Variants in RBM20 observed in about 807,000 individuals in gnomAD.
The protein encoded by RBM20 is RNA-binding protein 20.
A neutral mutation model predicts 110.1 loss-of-function variants in RBM20; 51 were observed. The ratio of observed to expected loss-of-function variants is 0.46; its 90% CI spans 0.37 to 0.59. The LOEUF (loss-of-function observed/expected upper bound fraction) is 0.59, where lower values mean the gene tolerates loss of function less well. Ranked by LOEUF, RBM20 falls within the 20% of genes least tolerant of loss-of-function variation. The pLI, the probability that RBM20 is intolerant of heterozygous loss-of-function variation, is 0.00. For missense variants in RBM20, 1,512 were observed against 1,574.9 expected (o/e 0.96, Z 0.68); for synonymous variants, 589 against 618.2 (o/e 0.95, Z 0.70).
At chr10:110,710,872 G>A (rs550359980) in intron 1 of RBM20, among the ~76,000 whole-genome samples, 35 of 152,172 alleles carry the variant, frequency 2.3e-4, no homozygotes, top group Non-Finnish European at 4.4e-4. Context: ...GGCAGGTGAC[G>A]TGAAGGCCAC....
Position 110,666,018 on chromosome 10 carries a change from G to GAGAGA in RBM20, c.191+21373_191+21374insAGAGA, listed in dbSNP as rs1195192167. Among the ~76,000 whole-genome samples, 11 of 95,732 alleles carry GAGAGA rather than the reference G, an allele frequency of 1.1e-4. No individual in the cohort carries two copies. The East Asian group carries it at 3.7e-3, about 32-fold the overall frequency. The allele number at this position is 95,732 out of a possible 152,430, so 62.8% of individuals were successfully genotyped here. On this transcript the variant is annotated intron_variant, in intron 1 of 13. Transcript: ENST00000369519. ...GAAAGAGAGAGAGAGAGAGAGAGAG[G>GAGAGA]GGAAGGAAGGAAGGAAGGAAAGAAA...
At chr10:110,678,269 C>CA (rs536998688) in intron 1 of RBM20, among the ~76,000 whole-genome samples, 90 of 152,102 alleles carry the variant, frequency 5.9e-4, no homozygotes, top group African/African-American at 2.0e-3. Flanking sequence ...TGTAATTATG[C>CA]AAAAAAATGT....
Position 110,836,237 on chromosome 10 carries a change from A to C in RBM20, c.*259A>C. On this transcript the variant is annotated 3_prime_UTR_variant, in exon 14 of 14. Coordinates refer to ENST00000369519, the MANE Select transcript of RBM20 (RefSeq NM_001134363.3). ...TGACTCTTGTTTCTCTCAATCTTTC[A>C]ATTCGTTTTTCTCTCTTTTCCTCTT... is the stretch of plus-strand genomic sequence containing the variant. 1 of 296,570 alleles carries C rather than the reference A, an allele frequency of 3.4e-6. No homozygotes were observed. The highest frequency in any genetic ancestry group is 6.2e-6 in the Non-Finnish European group (1 of 161,326). 18.4% of individuals were successfully genotyped at this position (296,570 alleles called of 1,614,324 possible).
At chr10:110,727,062 G>A (rs963626887) in intron 1 of RBM20, among the ~76,000 whole-genome samples, 1 of 150,808 alleles carries the variant, frequency 6.6e-6, no homozygotes, top group South Asian at 2.1e-4. Flanking sequence ...TGGCCAGGCT[G>A]GTCTCAAACT....
chr10:110,675,686 C>G (rs1393818888), intron 1 of RBM20, among the ~76,000 whole-genome samples: 1 of 152,144 alleles, frequency 6.6e-6, no homozygotes, highest in East Asian at 1.9e-4. Context: ...CATAGTCCCC[C>G]TCAAGTTCTA....
At chr10:110,732,707 G>C (rs1564828727) in intron 1 of RBM20, among the ~76,000 whole-genome samples, 1 of 152,034 alleles carries the variant, frequency 6.6e-6, no homozygotes, top group African/African-American at 2.4e-5. Flanking sequence ...AACTCTTCAG[G>C]GAGCCTGGCT....
chr10:110,774,856 C>T (rs1002292262), intron 1 of RBM20, among the ~76,000 whole-genome samples: 2 of 151,924 alleles, frequency 1.3e-5, no homozygotes, highest in African/African-American at 4.8e-5. Context: ...CAGGAATGTC[C>T]CTCTCTAGTT....
intron 7 of RBM20, among the ~76,000 whole-genome samples, chr10:110,800,327 A>G (rs1844606057): frequency 6.6e-6 from 1 of 152,080 alleles, no homozygotes; most frequent in Non-Finnish European, 1.5e-5. Flanking sequence ...TCTCTCCTTC[A>G]TATTTACGTC....
chr10:110,795,619 CG>C (rs1218197930), intron 5 of RBM20, among the ~76,000 whole-genome samples: 1 of 152,198 alleles, frequency 6.6e-6, no homozygotes, highest in Non-Finnish European at 1.5e-5. Context: ...TTAGCAGAGT[CG>C]GCCCCACATC....
intron 11 of RBM20, chr10:110,822,526 A>G: frequency 2.2e-6 from 1 of 455,872 alleles, no homozygotes. Context: ...CATGAAAGAG[A>G]GAGTTTAAAA....
intron 1 of RBM20, among the ~76,000 whole-genome samples, chr10:110,681,892 T>G (rs4918557): frequency 0.19 from 29,282 of 151,992 alleles, 3,139 homozygotes; most frequent in East Asian, 0.32. Context: ...TGCTTTTTTT[T>G]TTGTTGTTGT....
chr10:110,760,423 A>G (rs1330725921), intron 1 of RBM20, among the ~76,000 whole-genome samples: 1 of 83,366 alleles, frequency 1.2e-5, no homozygotes, highest in East Asian at 2.7e-4. Context: ...GAATTCCATC[A>G]TCTTTTTTTT....
At chr10:110,734,361 A>C (rs1022305606) in intron 1 of RBM20, among the ~76,000 whole-genome samples, 4 of 152,222 alleles carry the variant, frequency 2.6e-5, no homozygotes, top group Non-Finnish European at 5.9e-5. Context: ...CAGTAGAGAA[A>C]TGGCCCCTCA....
At chr10:110,732,962 G>A (rs150024272) in intron 1 of RBM20, among the ~76,000 whole-genome samples, 20 of 152,220 alleles carry the variant, frequency 1.3e-4, no homozygotes, top group Non-Finnish European at 2.5e-4. Context: ...CACCAGGCTC[G>A]GAAAATCTCC....
At chr10:110,688,156 G>A (rs2134871530) in intron 1 of RBM20, among the ~76,000 whole-genome samples, 1 of 152,250 alleles carries the variant, frequency 6.6e-6, no homozygotes, top group South Asian at 2.1e-4. Flanking sequence ...TAATAATCCA[G>A]TCCACAATTC....
At chr10:110,814,060 C>G (rs531893884) in intron 9 of RBM20, among the ~76,000 whole-genome samples, 4 of 152,030 alleles carry the variant, frequency 2.6e-5, no homozygotes, top group African/African-American at 9.7e-5. Flanking sequence ...GCATAAGGAG[C>G]CTAATTTTTA....
intron 1 of RBM20, among the ~76,000 whole-genome samples, chr10:110,722,981 A>G (rs372191279): frequency 1.6e-4 from 25 of 152,058 alleles, no homozygotes; most frequent in African/African-American, 5.3e-4. Flanking sequence ...GCGTTGTGGC[A>G]TGCACCTGTA....
chr10:110,655,395 T>C (rs939589702), intron 1 of RBM20, among the ~76,000 whole-genome samples: 1 of 152,076 alleles, frequency 6.6e-6, no homozygotes, highest in African/African-American at 2.4e-5. Flanking sequence ...CTTACTCTGC[T>C]TGTTATGCAT....
At chr10:110,833,669 T>A (rs1351017642) in intron 13 of RBM20, among the ~76,000 whole-genome samples, 1 of 152,224 alleles carries the variant, frequency 6.6e-6, no homozygotes, top group East Asian at 1.9e-4. Flanking sequence ...GGCAGTGGAC[T>A]GCACTGTGTT....
Sources: allele counts gnomAD v4.1 joint callset (sites outside exome capture counted in the v4.1 genomes callset), GRCh38; gene constraint gnomAD v4.1.1; transcripts MANE v1.5; gene names NCBI Gene and HGNC (gene_info 2026-07-23, HGNC 2026-07-21).